RFX4: variants seen among roughly 807,000 people sequenced by gnomAD.
RFX4 encodes regulatory factor X4, also known as transcription factor RFX4.
Under a neutral mutation model 95.0 loss-of-function variants are expected in RFX4, and 10 were observed. The observed-to-expected ratio is 0.11, with a 90% CI of 0.06 to 0.18. The LOEUF is 0.18. RFX4 is among the 10% of genes least tolerant of loss of function. RFX4 has a pLI of 1.00. For synonymous variants in RFX4, 321 were observed against 340.7 expected (o/e 0.94, Z 0.64); for missense variants, 640 against 922.0 (o/e 0.69, Z 3.96).
chr12:106,647,875 A>G (rs2040778130), intron 3 of RFX4, among the ~76,000 whole-genome samples: 1 of 152,172 alleles, frequency 6.6e-6, no homozygotes, highest in Non-Finnish European at 1.5e-5. Flanking sequence ...AGGAAGTGAG[A>G]GAGTTCAAGT....
chr12:106,614,962 A>T (rs1357859400), intron 2 of RFX4, among the ~76,000 whole-genome samples: 2 of 152,150 alleles, frequency 1.3e-5, no homozygotes, highest in Non-Finnish European at 2.9e-5. Flanking sequence ...TATTCTCATA[A>T]TAACTTTTAT....
At chr12:106,663,791 A>T (rs576236828) in intron 4 of RFX4, among the ~76,000 whole-genome samples, 1 of 151,620 alleles carries the variant, frequency 6.6e-6, no homozygotes, top group East Asian at 1.9e-4. Context: ...GGGTGTTTCA[A>T]TTTGCCAAAT....
chr12:106,642,172 G>A (rs563229850), intron 3 of RFX4, among the ~76,000 whole-genome samples: 43 of 151,850 alleles, frequency 2.8e-4, no homozygotes, highest in Admixed American at 2.0e-3. Context: ...CACCATACCC[G>A]GCTAATATTT....
intron 1 of RFX4, 36 bp downstream of exon 1, chr12:106,583,399 G>C (rs1453588186): frequency 6.6e-7 from 1 of 1,524,834 alleles, no homozygotes; most frequent in East Asian, 2.5e-5. Context: ...GGATACATTG[G>C]GAGGGAAGGA....
In RFX4 at chr12:106,690,963, C is replaced by T. The variant is rs932616458; in HGVS notation, c.669+1599C>T. Among the ~76,000 whole-genome samples the T allele has an allele frequency of 3.7e-4, 56 of 152,190 alleles. 3 individuals are homozygous for T. The highest frequency in any genetic ancestry group is 8.8e-5 in the Non-Finnish European group (6 of 68,036). Reference sequence around the variant, plus strand: ...TTTCATTTCATTTGCTTAATTCCAACACCTATTGGGTCCCATACACTATTG... The same window carrying T: ...TTTCATTTCATTTGCTTAATTCCAATACCTATTGGGTCCCATACACTATTG... On this transcript the variant is annotated intron_variant, in intron 7 of 17. Coordinates refer to ENST00000392842, the MANE Select transcript of RFX4 (RefSeq NM_213594.3).
At chr12:106,625,155 G>A (rs1013148515) in intron 2 of RFX4, among the ~76,000 whole-genome samples, 1 of 152,198 alleles carries the variant, frequency 6.6e-6, no homozygotes, top group Non-Finnish European at 1.5e-5. Flanking sequence ...GAAGGGATGT[G>A]ATTTGCCAGA....
At chr12:106,639,919 A>G (rs2040585111) in intron 3 of RFX4, among the ~76,000 whole-genome samples, 1 of 152,136 alleles carries the variant, frequency 6.6e-6, no homozygotes. Context: ...TAAAAGCTTT[A>G]TTTGGAAATT....
At chr12:106,600,894 G>A (rs1050460052) in intron 1 of RFX4, among the ~76,000 whole-genome samples, 2 of 152,068 alleles carry the variant, frequency 1.3e-5, no homozygotes, top group Admixed American at 1.3e-4. Flanking sequence ...CCATTCTATG[G>A]CTTTATTTTC....
intron 2 of RFX4, among the ~76,000 whole-genome samples, chr12:106,617,789 C>T (rs1486360824): frequency 1.3e-5 from 2 of 152,128 alleles, no homozygotes; most frequent in Non-Finnish European, 2.9e-5. Flanking sequence ...TGCAGTGGTG[C>T]AATCTCAGCT....
At chr12:106,632,107 A>G (rs2040427183) in intron 2 of RFX4, among the ~76,000 whole-genome samples, 2 of 152,146 alleles carry the variant, frequency 1.3e-5, no homozygotes, top group African/African-American at 4.8e-5. Context: ...CTGGGATTTG[A>G]GCCTGGAAAT....
At chr12:106,658,869 C>T (rs2041013822) in intron 4 of RFX4, among the ~76,000 whole-genome samples, 1 of 152,140 alleles carries the variant, frequency 6.6e-6, no homozygotes, top group Non-Finnish European at 1.5e-5. Flanking sequence ...CTCTGTAGCT[C>T]TGTTATTGTG....
intron 4 of RFX4, among the ~76,000 whole-genome samples, chr12:106,668,208 A>G (rs1048079872): frequency 6.6e-6 from 1 of 152,176 alleles, no homozygotes; most frequent in South Asian, 2.1e-4. Flanking sequence ...TCCAGTTTCT[A>G]TATCACCTCA....
At chr12:106,594,770 T>C (rs2039593437) in intron 1 of RFX4, among the ~76,000 whole-genome samples, 1 of 150,820 alleles carries the variant, frequency 6.6e-6, no homozygotes, top group South Asian at 2.1e-4. Flanking sequence ...TCCCGTGTTC[T>C]GCTCAAAGTT....
intron 7 of RFX4, among the ~76,000 whole-genome samples, chr12:106,691,018 T>G (rs1014272783): frequency 9.9e-5 from 15 of 152,074 alleles, no homozygotes; most frequent in African/African-American, 3.6e-4. Flanking sequence ...GTTGATAGGA[T>G]GGGGGGAAGG....
At chr12:106,633,337 C>T (rs2040453610) in intron 2 of RFX4, among the ~76,000 whole-genome samples, 1 of 152,148 alleles carries the variant, frequency 6.6e-6, no homozygotes, top group African/African-American at 2.4e-5. Flanking sequence ...GCTACATGGC[C>T]TCATGCAATT....
intron 16 of RFX4, among the ~76,000 whole-genome samples, chr12:106,749,193 T>A (rs946781335): frequency 6.9e-6 from 1 of 145,470 alleles, no homozygotes; most frequent in African/African-American, 2.6e-5. Flanking sequence ...GAGGCGGAGG[T>A]TGCAGTAAGC....
At chr12:106,592,331 AT>A (rs1180145844) in intron 1 of RFX4, among the ~76,000 whole-genome samples, 2 of 152,100 alleles carry the variant, frequency 1.3e-5, no homozygotes, top group Admixed American at 6.5e-5. Context: ...GACTAATTTT[AT>A]TTTTATTTCT....
chr12:106,613,605 C>A (rs1430172417), intron 2 of RFX4, among the ~76,000 whole-genome samples: 3 of 152,080 alleles, frequency 2.0e-5, no homozygotes, highest in Non-Finnish European at 4.4e-5. Context: ...TTCAGGTGAT[C>A]CACCTTCCTT....
intron 4 of RFX4, among the ~76,000 whole-genome samples, chr12:106,671,787 G>A (rs917876666): frequency 6.6e-6 from 1 of 152,048 alleles, no homozygotes; most frequent in Non-Finnish European, 1.5e-5. Context: ...TCAGCCTCCT[G>A]AGTAGCTGGG....
Sources: gnomAD v4.1 joint callset for allele counts (sites outside exome capture counted in the v4.1 genomes callset) on GRCh38, gnomAD v4.1.1 for gene constraint, MANE v1.5 for transcripts, NCBI Gene and HGNC (gene_info 2026-07-23, HGNC 2026-07-21) for gene names.